Variants in ROBO1 observed in about 807,000 individuals in gnomAD.
ROBO1 encodes the protein roundabout guidance receptor 1.
Under a neutral mutation model 195.9 loss-of-function variants are expected in ROBO1, and 149 were observed. The observed-to-expected ratio is 0.76, with a 90% CI of 0.67 to 0.87. ROBO1 has a LOEUF of 0.87. Among genes scored for constraint, ROBO1 ranks in the 40% least tolerant of loss-of-function variants. ROBO1 has a pLI of 0.00. For synonymous variants in ROBO1, 816 were observed against 733.2 expected, an observed-to-expected ratio of 1.11 and a Z score of -1.82; for missense variants, 1,933 against 2,068.3, an observed-to-expected ratio of 0.93 and a Z score of 1.27.
At chr3:78,861,725 T>C (rs2034854364) in intron 4 of ROBO1, among the ~76,000 whole-genome samples, 1 of 152,198 alleles carries the variant, frequency 6.6e-6, no homozygotes, top group African/African-American at 2.4e-5. Flanking sequence ...TTTCTTCCCA[T>C]TAGAAATAAC....
intron 14 of ROBO1, among the ~76,000 whole-genome samples, chr3:78,664,993 C>T (rs1707649510): frequency 6.6e-6 from 1 of 152,168 alleles, no homozygotes; most frequent in South Asian, 2.1e-4. Context: ...ATAACTCTTC[C>T]ATACGGCAGT....
chr3:78,777,461 A>C (rs2083539488), intron 4 of ROBO1, among the ~76,000 whole-genome samples: 1 of 152,188 alleles, frequency 6.6e-6, no homozygotes, highest in African/African-American at 2.4e-5. Flanking sequence ...CTGGTACCCC[A>C]TCATTTTTCT....
chr3:79,188,563 CAT>C (rs1331288530), intron 2 of ROBO1, among the ~76,000 whole-genome samples: 7 of 151,776 alleles, frequency 4.6e-5, no homozygotes, highest in South Asian at 2.1e-4. Context: ...CACACACACA[CAT>C]ATACGTCGTC....
intron 2 of ROBO1, among the ~76,000 whole-genome samples, chr3:79,414,983 G>T (rs1390500473): frequency 6.6e-6 from 1 of 152,128 alleles, no homozygotes; most frequent in Non-Finnish European, 1.5e-5. Context: ...CTTGTTCCAA[G>T]CAGTTGTCCC....
At chr3:79,557,779 T>C (rs2107697646) in intron 2 of ROBO1, among the ~76,000 whole-genome samples, 1 of 147,928 alleles carries the variant, frequency 6.8e-6, no homozygotes, top group Non-Finnish European at 1.5e-5. Context: ...ATTGCAATTA[T>C]TGCAATTGTG....
intron 2 of ROBO1, among the ~76,000 whole-genome samples, chr3:79,409,908 A>AT (rs1025148982): frequency 6.6e-6 from 1 of 151,820 alleles, no homozygotes; most frequent in Non-Finnish European, 1.5e-5. Flanking sequence ...TCAACTTTCA[A>AT]TTTTTTTTCC....
At chr3:78,971,276 T>C (rs2076759005) in intron 3 of ROBO1, among the ~76,000 whole-genome samples, 1 of 151,930 alleles carries the variant, frequency 6.6e-6, no homozygotes. Context: ...GTAGTCCCAG[T>C]TACTCGGGAG....
At chr3:79,236,355 T>C (rs2082406703) in intron 2 of ROBO1, among the ~76,000 whole-genome samples, 1 of 152,134 alleles carries the variant, frequency 6.6e-6, no homozygotes, top group Admixed American at 6.5e-5. Flanking sequence ...TCATGTTCAA[T>C]GTGTGCCAAT....
intron 1 of ROBO1, among the ~76,000 whole-genome samples, chr3:79,647,296 G>C (rs548235910): frequency 1.4e-4 from 21 of 152,146 alleles, no homozygotes; most frequent in African/African-American, 4.8e-4. Context: ...AAGCTCTCAT[G>C]CTACAAAAAT....
chr3:78,676,536 C>T (rs1452361696), intron 10 of ROBO1, among the ~76,000 whole-genome samples: 1 of 152,110 alleles, frequency 6.6e-6, no homozygotes, highest in Non-Finnish European at 1.5e-5. Context: ...ATGCAGAAGC[C>T]TCAGGAGCCG....
intron 1 of ROBO1, among the ~76,000 whole-genome samples, chr3:79,720,757 G>A (rs1166569550): frequency 6.6e-6 from 1 of 151,206 alleles, no homozygotes; most frequent in Non-Finnish European, 1.5e-5. Context: ...CAATACTGTG[G>A]TTTATTAGTC....
At chr3:78,997,215 G>A (rs373842642) in intron 3 of ROBO1, among the ~76,000 whole-genome samples, 2 of 152,250 alleles carry the variant, frequency 1.3e-5, no homozygotes, top group East Asian at 3.9e-4. Context: ...GAAGGAATAA[G>A]CATCGCACAT....
At chr3:79,594,376 T>A (rs1355345641) in intron 1 of ROBO1, among the ~76,000 whole-genome samples, 2 of 152,000 alleles carry the variant, frequency 1.3e-5, no homozygotes, top group Non-Finnish European at 2.9e-5. Context: ...TGCCTATTTT[T>A]AAAATACTAA....
intron 2 of ROBO1, among the ~76,000 whole-genome samples, chr3:79,543,836 G>A (rs949294666): frequency 2.6e-5 from 4 of 152,048 alleles, no homozygotes; most frequent in African/African-American, 7.2e-5. Flanking sequence ...ACTCTGCAAT[G>A]CAAGGTACTT....
chr3:79,127,745 C>A (rs1485137123), intron 2 of ROBO1, among the ~76,000 whole-genome samples: 1 of 152,130 alleles, frequency 6.6e-6, no homozygotes, highest in Non-Finnish European at 1.5e-5. Flanking sequence ...AAATGAGATA[C>A]CTAAATCATA....
intron 1 of ROBO1, among the ~76,000 whole-genome samples, chr3:79,765,674 T>C (rs1388063575): frequency 1.3e-5 from 2 of 152,114 alleles, no homozygotes; most frequent in African/African-American, 4.8e-5. Flanking sequence ...TATATCCTAG[T>C]TCCCAAACAA....
rs1195018922 is a variant in ROBO1 at position 78,898,360 on chromosome 3, C to CAGAT, written c.499+40237_499+40240dup. On this transcript the variant is annotated intron_variant, in intron 4 of 30. Coordinates refer to ENST00000464233, the MANE Select transcript of ROBO1 (RefSeq NM_002941.4). ...AGAGAGAGACAGATATATATATAGA[C>CAGAT]AGATAGATAGATAGATAGGGTTTTT... Among the ~76,000 whole-genome samples the CAGAT allele has an allele frequency of 2.7e-4, 37 of 137,238 alleles. No homozygotes were observed. In the South Asian group the frequency reaches 8.1e-3, roughly 30 times the overall value. 90.0% of individuals were successfully genotyped at this position (137,238 alleles called of 152,430 possible).
chr3:79,408,440 A>G (rs779252171), intron 2 of ROBO1, among the ~76,000 whole-genome samples: 2 of 152,034 alleles, frequency 1.3e-5, no homozygotes, highest in Non-Finnish European at 2.9e-5. Flanking sequence ...GAAAGAAACA[A>G]TAACAAAATA....
At chr3:78,877,839 G>T (rs941658714) in intron 4 of ROBO1, among the ~76,000 whole-genome samples, 2 of 152,112 alleles carry the variant, frequency 1.3e-5, no homozygotes, top group Non-Finnish European at 2.9e-5. Context: ...GCTGAGAAAA[G>T]GTAACATTAG....
Sources: gnomAD v4.1 joint callset for allele counts (sites outside exome capture counted in the v4.1 genomes callset) on GRCh38, gnomAD v4.1.1 for gene constraint, MANE v1.5 for transcripts, NCBI Gene and HGNC (gene_info 2026-07-23, HGNC 2026-07-21) for gene names.